TMEM108: variants seen among roughly 807,000 people sequenced by gnomAD.
TMEM108 encodes transmembrane protein 108.
In TMEM108, 12 loss-of-function variants were observed where a neutral mutation model predicts 35.1. The observed-to-expected ratio is 0.34, with a 90% CI of 0.22 to 0.55. The LOEUF is 0.55. Among genes scored for constraint, TMEM108 ranks in the 20% least tolerant of loss-of-function variants. The pLI, the probability that TMEM108 is intolerant of heterozygous loss-of-function variation, is 0.89. For synonymous variants in TMEM108, 287 were observed against 308.6 expected (o/e 0.93, Z 0.73); for missense variants, 680 against 753.3 (o/e 0.90, Z 1.14).
intron 3 of TMEM108, among the ~76,000 whole-genome samples, chr3:133,267,416 G>C (rs1946714850): frequency 6.6e-6 from 1 of 152,210 alleles, no homozygotes; most frequent in Admixed American, 6.5e-5. Flanking sequence ...GGAGAAAGCA[G>C]CTAGAGAGTG....
At chr3:133,111,421 C>A (rs894234655) in intron 2 of TMEM108, among the ~76,000 whole-genome samples, 29 of 151,980 alleles carry the variant, frequency 1.9e-4, no homozygotes, top group African/African-American at 6.8e-4. Flanking sequence ...TTTCTTCACC[C>A]TTTCTTCTCA....
At chr3:133,112,658 A>T (rs1374063552) in intron 2 of TMEM108, among the ~76,000 whole-genome samples, 1 of 152,148 alleles carries the variant, frequency 6.6e-6, no homozygotes, top group Non-Finnish European at 1.5e-5. Flanking sequence ...GGCCTATAAA[A>T]ATTAGAGTTA....
Position 133,045,214 on chromosome 3 carries a change from C to T in TMEM108, c.-165-688C>T, listed in dbSNP as rs571165858. ...TGATCGCCTGATCTTGTGATCCGCC[C>T]ACCTCAACCTCCCAAAGTGCTGGGA... On this transcript the variant is annotated intron_variant, in intron 1 of 5. Transcript: ENST00000321871. Among the ~76,000 whole-genome samples the T allele has an allele frequency of 1.1e-4, 16 of 152,240 alleles. No individual in the cohort carries two copies. In the East Asian group the frequency reaches 3.1e-3, roughly 29 times the overall value.
chr3:133,138,428 C>T (rs1161257977), intron 2 of TMEM108, among the ~76,000 whole-genome samples: 1 of 152,116 alleles, frequency 6.6e-6, no homozygotes, highest in African/African-American at 2.4e-5. Flanking sequence ...CTGCATGCGG[C>T]GGCCCAGGAC....
intron 3 of TMEM108, among the ~76,000 whole-genome samples, chr3:133,360,796 G>T (rs576868675): frequency 2.2e-4 from 34 of 152,296 alleles, no homozygotes; most frequent in African/African-American, 7.7e-4. Context: ...CCTCACTGCA[G>T]CCTTGAAAGA....
chr3:133,249,832 C>A (rs1946442367), intron 3 of TMEM108, among the ~76,000 whole-genome samples: 2 of 152,038 alleles, frequency 1.3e-5, no homozygotes, highest in African/African-American at 4.8e-5. Context: ...CATTAAGGAA[C>A]AAAGAGCTTT....
At chr3:133,367,733 C>T (rs2072541378) in intron 3 of TMEM108, among the ~76,000 whole-genome samples, 2 of 152,180 alleles carry the variant, frequency 1.3e-5, no homozygotes, top group Non-Finnish European at 2.9e-5. Flanking sequence ...GGGAGCAGAC[C>T]CCCTCCTTAG....
chr3:133,272,801 T>C (rs1176856185), intron 3 of TMEM108, among the ~76,000 whole-genome samples: 1 of 152,140 alleles, frequency 6.6e-6, no homozygotes, highest in African/African-American at 2.4e-5. Flanking sequence ...GGGGAGGTAT[T>C]GCCCTCTAAG....
At chr3:133,291,204 C>G (rs1354636301) in intron 3 of TMEM108, among the ~76,000 whole-genome samples, 2 of 151,910 alleles carry the variant, frequency 1.3e-5, no homozygotes, top group East Asian at 1.9e-4. Flanking sequence ...CCCTATAAAG[C>G]CCATATAAAT....
At position 133,380,213 on chromosome 3, in the gene TMEM108, C is replaced by T; in HGVS notation, c.502C>T (p.Pro168Ser). The T allele has an allele frequency of 3.1e-6, 5 of 1,612,038 alleles. No individual in the cohort carries two copies. Among genetic ancestry groups the T allele is most frequent in the Admixed American group, 1.7e-5 (1 of 59,776 alleles). ...CACTACCACACGCAGGCCCCCCAGG[C>T]CCCCAGGCTCTTCCCGAAAAGGGGC... is the stretch of plus-strand genomic sequence containing the variant. ...PRTTTRRPPR[P>S]PGSSRKGAGN... is the part of the protein sequence containing the mutation. Residue 168 changes from proline to serine, a missense_variant, in exon 4 of 6, where the codon CCC becomes TCC. Physicochemically the swap from Pro to Ser is moderately conservative, Grantham distance 74 (BLOSUM62 -1). Coordinates refer to ENST00000321871, the MANE Select transcript of TMEM108 (RefSeq NM_023943.4). This position sits in a 1 kb window ranked among gnomAD's most constrained non-coding sequence, Gnocchi z 5.3.
intron 3 of TMEM108, among the ~76,000 whole-genome samples, chr3:133,281,958 C>A (rs1326967823): frequency 6.6e-6 from 1 of 152,128 alleles, no homozygotes; most frequent in Non-Finnish European, 1.5e-5. Flanking sequence ...GAGATCGAGA[C>A]CATCCTGGCT....
intron 2 of TMEM108, among the ~76,000 whole-genome samples, chr3:133,120,258 A>G (rs1414286354): frequency 6.6e-6 from 1 of 152,198 alleles, no homozygotes; most frequent in Non-Finnish European, 1.5e-5. Flanking sequence ...CTGTATTATA[A>G]TAGGAACTCT....
chr3:133,307,209 T>C (rs1349828375), intron 3 of TMEM108, among the ~76,000 whole-genome samples: 1 of 152,200 alleles, frequency 6.6e-6, no homozygotes, highest in Non-Finnish European at 1.5e-5. Flanking sequence ...GCCCACTTTA[T>C]GATGGGATTG....
intron 3 of TMEM108, among the ~76,000 whole-genome samples, chr3:133,280,313 A>G (rs1034053272): frequency 3.5e-4 from 53 of 152,294 alleles, no homozygotes; most frequent in African/African-American, 1.1e-3. Context: ...TGTAAAGAGA[A>G]AATTTTCTGC....
intron 2 of TMEM108, among the ~76,000 whole-genome samples, chr3:133,159,709 G>A (rs77657415): frequency 9.8e-5 from 15 of 152,308 alleles, no homozygotes; most frequent in African/African-American, 2.6e-4. Context: ...TCACAGAGAC[G>A]TTAAATGACT....
chr3:133,210,555 A>G (rs72997499), intron 2 of TMEM108, among the ~76,000 whole-genome samples: 1,942 of 150,312 alleles, frequency 0.013, 53 homozygotes, highest in African/African-American at 0.045. Flanking sequence ...GGAAATTACC[A>G]ATCTTGGTAC....
At chr3:133,392,250 C>T (rs55958329) in intron 5 of TMEM108, among the ~76,000 whole-genome samples, 50,113 of 134,244 alleles carry the variant, frequency 0.37, 9,051 homozygotes, top group East Asian at 0.48. Context: ...GCAGCCTCTG[C>T]CTCCCAGGTT....
chr3:133,117,627 GT>G (rs1409244917), intron 2 of TMEM108, among the ~76,000 whole-genome samples: 9 of 152,196 alleles, frequency 5.9e-5, no homozygotes, highest in African/African-American at 1.9e-4. Context: ...CTGCTAAGGT[GT>G]GAGGTGTGTG....
At chr3:133,198,703 T>G (rs1945615456) in intron 2 of TMEM108, among the ~76,000 whole-genome samples, 1 of 152,242 alleles carries the variant, frequency 6.6e-6, no homozygotes, top group Non-Finnish European at 1.5e-5. Context: ...GACACTCATT[T>G]AATTATCTCA....
Sources: allele counts gnomAD v4.1 joint callset (sites outside exome capture counted in the v4.1 genomes callset), GRCh38; gene constraint gnomAD v4.1.1; non-coding constraint Gnocchi (gnomAD v3.1); transcripts MANE v1.5; gene names NCBI Gene and HGNC (gene_info 2026-07-23, HGNC 2026-07-21).